VWA8: variants seen among roughly 807,000 people sequenced by gnomAD.
VWA8 encodes von Willebrand factor A domain containing 8, also known as von Willebrand factor A domain-containing protein 8.
A neutral mutation model predicts 241.5 loss-of-function variants in VWA8; 221 were observed. The ratio of observed to expected loss-of-function variants is 0.91; its 90% CI spans 0.82 to 1.02. The LOEUF is 1.02. VWA8 is among the 50% of genes least tolerant of loss of function. VWA8 has a pLI of 0.00. For missense variants in VWA8, 2,322 were observed against 2,328.7 expected (o/e 1.00, Z 0.06); for synonymous variants, 852 against 827.1 (o/e 1.03, Z -0.52).
At chr13:41,862,320 C>T (rs1433075457) in intron 12 of VWA8, among the ~76,000 whole-genome samples, 2 of 152,256 alleles carry the variant, frequency 1.3e-5, no homozygotes, top group Non-Finnish European at 2.9e-5. Flanking sequence ...AGACTTAAAT[C>T]TAAGACCTAA....
chr13:41,900,014 T>C (rs918420587), intron 4 of VWA8, among the ~76,000 whole-genome samples: 20 of 152,304 alleles, frequency 1.3e-4, no homozygotes, highest in African/African-American at 4.8e-4. Context: ...TTTTATGGCA[T>C]ACTGGTACAA....
chr13:41,626,957 G>T (rs2044695966), intron 37 of VWA8, among the ~76,000 whole-genome samples: 1 of 152,082 alleles, frequency 6.6e-6, no homozygotes. Flanking sequence ...CACAGCAAAA[G>T]AAACTATCAA....
In VWA8 at chr13:41,648,756, G is replaced by A. The variant is rs148538228; in HGVS notation, c.4611+22190C>T. 2.3e-3 allele frequency among the ~76,000 whole-genome samples: 349 copies of A among 152,226 alleles called. 1 individual carries two copies. The highest frequency in any genetic ancestry group is 8.1e-3 in the African/African-American group (335 of 41,528). On this transcript the variant is annotated intron_variant, in intron 37 of 44. Coordinates refer to ENST00000379310, the MANE Select transcript of VWA8 (RefSeq NM_015058.2). ...TAGCAACAATAACACATAGAAGCAC[G>A]GTACTGCTAAAGGCAATTAATGTCA...
rs111494443 is a variant in VWA8 at position 41,601,090 on chromosome 13, C to T, written c.4986+4078G>A. Among the ~76,000 whole-genome samples the T allele has an allele frequency of 4.4e-3, 663 of 152,200 alleles. 6 individuals carry two copies. The highest frequency in any genetic ancestry group is 0.015 in the African/African-American group (634 of 41,540). On this transcript the variant is annotated intron_variant, in intron 40 of 44. Coordinates refer to ENST00000379310, the MANE Select transcript of VWA8 (RefSeq NM_015058.2). ...GTCTGTGCTGTGCCCTCTTCTGGGG[C>T]GTTGTTTCCACCCTTCTCTGTCTGG... is the stretch of plus-strand genomic sequence containing the variant.
Position 41,888,160 on chromosome 13 carries a change from C to T in VWA8, c.652-799G>A, listed in dbSNP as rs551302094. 5.9e-5 allele frequency among the ~76,000 whole-genome samples: 9 copies of T among 152,292 alleles called. No individual in the cohort carries two copies. The South Asian group carries it at 1.7e-3, about 28-fold the overall frequency. On this transcript the variant is annotated intron_variant, in intron 5 of 44. Coordinates refer to ENST00000379310, the MANE Select transcript of VWA8 (RefSeq NM_015058.2). ...AAAACTAAATGTGTAAATGTATGTG[C>T]AAACAAGTGGCCCAAAGGAGGCACC...
At chr13:41,783,533 G>C (rs921729144) in intron 19 of VWA8, among the ~76,000 whole-genome samples, 10 of 151,904 alleles carry the variant, frequency 6.6e-5, no homozygotes, top group Non-Finnish European at 4.4e-5. Context: ...AGCTACTCGG[G>C]AGGCTGAGGT....
In VWA8 at chr13:41,778,026, C is replaced by A; in HGVS notation, c.2308G>T (p.Asp770Tyr). 6.2e-7 allele frequency: 1 copy of A among 1,612,072 alleles called. No individual in the cohort carries two copies. The highest frequency in any genetic ancestry group is 1.1e-5 in the South Asian group (1 of 90,784). The change falls in exon 20 of 45, where the codon GAC becomes TAC. Residue 770 changes from aspartate to tyrosine, a missense_variant. By Grantham distance (160) the Asp-to-Tyr change is radical. Coordinates refer to ENST00000379310, the MANE Select transcript of VWA8 (RefSeq NM_015058.2). ...AATAAGTGTTCTCCAAGGAGAAAGT[C>A]TTTCAGCATATCTTCCATCACTATC... Reference protein sequence around the residue: ...HVIVMEDMLKDFLLGEHLLLV... With the variant: ...HVIVMEDMLKYFLLGEHLLLV...
rs76856133 is a variant in VWA8 at position 41,595,888 on chromosome 13, C to T, written c.4987-5123G>A. On this transcript the variant is annotated intron_variant, in intron 40 of 44. Coordinates refer to ENST00000379310, the MANE Select transcript of VWA8 (RefSeq NM_015058.2). ...AGAGTATGGATATGTTCAGCTTTAG[C>T]GTATACTGATGAACAGTTTTCCAAA... Among the ~76,000 whole-genome samples the T allele has an allele frequency of 4.3e-3, 659 of 152,178 alleles. 5 individuals carry two copies. The highest frequency in any genetic ancestry group is 0.015 in the African/African-American group (630 of 41,534).
chr13:41,815,947 G>C (rs2137980202), intron 16 of VWA8, among the ~76,000 whole-genome samples: 1 of 152,268 alleles, frequency 6.6e-6, no homozygotes, highest in Non-Finnish European at 1.5e-5. Flanking sequence ...AAAGACAGCA[G>C]GAAAGCAAGG....
At chr13:41,902,289 A>G (rs1334579909) in intron 4 of VWA8, among the ~76,000 whole-genome samples, 1 of 152,224 alleles carries the variant, frequency 6.6e-6, no homozygotes, top group Non-Finnish European at 1.5e-5. Context: ...TTTAAAAAAC[A>G]CTATAAACTT....
chr13:41,610,790 A>C (rs1049993352), intron 39 of VWA8, among the ~76,000 whole-genome samples: 5 of 152,242 alleles, frequency 3.3e-5, no homozygotes, highest in African/African-American at 1.2e-4. Context: ...TTTCACTTTT[A>C]GTTGAAGCAC....
At chr13:41,788,646 C>A (rs1277169300) in intron 17 of VWA8, among the ~76,000 whole-genome samples, 2 of 152,150 alleles carry the variant, frequency 1.3e-5, no homozygotes, top group Non-Finnish European at 2.9e-5. Context: ...CAAGCCCTCA[C>A]CTTATCTCCC....
chr13:41,710,281 G>A (rs1253782025), intron 26 of VWA8, among the ~76,000 whole-genome samples: 3 of 152,122 alleles, frequency 2.0e-5, no homozygotes, highest in African/African-American at 4.8e-5. Flanking sequence ...GGTGGGGATT[G>A]GTGATTTCTA....
intron 9 of VWA8, among the ~76,000 whole-genome samples, chr13:41,871,844 T>C (rs557690050): frequency 2.0e-5 from 3 of 152,212 alleles, no homozygotes; most frequent in African/African-American, 7.2e-5. Context: ...CTGGGTCAAA[T>C]GGTATTTCTA....
intron 12 of VWA8, among the ~76,000 whole-genome samples, chr13:41,839,851 C>T (rs1488559458): frequency 3.3e-5 from 5 of 152,112 alleles, no homozygotes; most frequent in South Asian, 2.1e-4. Context: ...CTTGGCTATA[C>T]GGGCTCTTTT....
chr13:41,865,320 C>T (rs780476575), intron 12 of VWA8: 29 of 391,000 alleles, frequency 7.4e-5, no homozygotes, highest in South Asian at 4.1e-4. Flanking sequence ...TATGCTGGAA[C>T]ATTTGAATTA....
chr13:41,932,820 T>G (rs1014019681), intron 2 of VWA8, among the ~76,000 whole-genome samples: 1 of 151,928 alleles, frequency 6.6e-6, no homozygotes, highest in Non-Finnish European at 1.5e-5. Flanking sequence ...AAAACGTCCT[T>G]AACTTGATAA....
intron 37 of VWA8, among the ~76,000 whole-genome samples, chr13:41,632,720 T>A (rs899024770): frequency 6.6e-6 from 1 of 152,214 alleles, no homozygotes; most frequent in Non-Finnish European, 1.5e-5. Flanking sequence ...TGCCTACTGA[T>A]GTTTACCCTG....
chr13:41,853,406 G>A (rs1316965392), intron 12 of VWA8, among the ~76,000 whole-genome samples: 1 of 152,130 alleles, frequency 6.6e-6, no homozygotes, highest in African/African-American at 2.4e-5. Context: ...GAGTCTGAAA[G>A]TATTCCCTCT....
Sources: gnomAD v4.1 joint callset for allele counts (sites outside exome capture counted in the v4.1 genomes callset) on GRCh38, gnomAD v4.1.1 for gene constraint, MANE v1.5 for transcripts, NCBI Gene and HGNC (gene_info 2026-07-23, HGNC 2026-07-21) for gene names.